APP: variants seen among roughly 807,000 people sequenced by gnomAD.
APP encodes the protein amyloid-beta precursor protein.
In APP, 31 loss-of-function variants were observed where a neutral mutation model predicts 101.4. The ratio of observed to expected loss-of-function variants is 0.31; its 90% confidence interval spans 0.23 to 0.41. APP has a LOEUF of 0.41. Ranked by LOEUF, APP falls within the 10% of genes least tolerant of loss-of-function variation. The pLI, the probability that APP is intolerant of heterozygous loss-of-function variation, is 1.00. For synonymous variants in APP, 366 were observed against 364.4 expected (o/e 1.00, Z -0.05); for missense variants, 839 against 1,003.7 (o/e 0.84, Z 2.22).
intron 1 of APP, among the ~76,000 whole-genome samples, chr21:26,144,994 GTTC>G (rs941473720): frequency 2.8e-4 from 43 of 152,274 alleles, no homozygotes; most frequent in African/African-American, 9.9e-4. Flanking sequence ...ACAATAAAAC[GTTC>G]TTTTCAACTT....
rs541268274 is a variant in APP at position 26,028,249 on chromosome 21, T to C, written c.663-6207A>G. On this transcript the variant is annotated intron_variant, in intron 5 of 17. Coordinates refer to ENST00000346798, the MANE Select transcript of APP (RefSeq NM_000484.4). ...ATTAAGAATGAGCTATAAATCACAA[T>C]CTTGATCTGAAATTAGGCTATATCA... 2.2e-4 allele frequency among the ~76,000 whole-genome samples: 33 copies of C among 151,474 alleles called. 1 individual carries two copies. In the South Asian group the frequency reaches 3.5e-3, roughly 16 times the overall value.
At chr21:26,055,102 C>A (rs1357042645) in intron 3 of APP, among the ~76,000 whole-genome samples, 1 of 152,058 alleles carries the variant, frequency 6.6e-6, no homozygotes, top group East Asian at 1.9e-4. Context: ...ATGCCCATAG[C>A]AGTATAGTGT....
At chr21:25,999,250 C>T (rs1317835795) in intron 7 of APP, among the ~76,000 whole-genome samples, 1 of 152,094 alleles carries the variant, frequency 6.6e-6, no homozygotes, top group Non-Finnish European at 1.5e-5. Flanking sequence ...CAAGATCACG[C>T]CATTGCACTC....
At chr21:26,053,419 G>A (rs2045917250) in intron 3 of APP, 71 bp from the exon 4 acceptor site, 1 of 1,135,528 alleles carries the variant, frequency 8.8e-7, no homozygotes, top group Non-Finnish European at 1.3e-6. Context: ...AAGACATCAA[G>A]GAAAGATAGA....
chr21:25,963,314 T>C (rs781118520), intron 11 of APP, among the ~76,000 whole-genome samples: 4 of 152,168 alleles, frequency 2.6e-5, no homozygotes, highest in African/African-American at 4.8e-5. Context: ...TGTATTAAAA[T>C]TATTAAGTCC....
intron 3 of APP, among the ~76,000 whole-genome samples, chr21:26,079,149 T>G (rs568052463): frequency 2.7e-4 from 41 of 151,954 alleles, no homozygotes; most frequent in African/African-American, 9.6e-4. Flanking sequence ...AGGGGAAAAC[T>G]GTTTCCTTTC....
intron 1 of APP, among the ~76,000 whole-genome samples, chr21:26,162,271 G>C (rs2063507815): frequency 6.6e-6 from 1 of 152,250 alleles, no homozygotes; most frequent in Non-Finnish European, 1.5e-5. Flanking sequence ...CACGGCTACA[G>C]ATCACACCAC....
intron 1 of APP, among the ~76,000 whole-genome samples, chr21:26,112,516 T>C (rs569008731): frequency 1.3e-5 from 2 of 152,260 alleles, no homozygotes; most frequent in Non-Finnish European, 2.9e-5. Flanking sequence ...CGCATTCTTA[T>C]AATAAACTCC....
intron 1 of APP, among the ~76,000 whole-genome samples, chr21:26,113,171 T>C (rs1287083925): frequency 6.6e-6 from 1 of 152,140 alleles, no homozygotes; most frequent in Non-Finnish European, 1.5e-5. Context: ...CCTTGTCAAA[T>C]CCAGCTGCTG....
chr21:25,928,170 G>A (rs937907676), intron 13 of APP, among the ~76,000 whole-genome samples: 9 of 147,828 alleles, frequency 6.1e-5, no homozygotes, highest in Non-Finnish European at 1.3e-4. Flanking sequence ...AGGTGAAATC[G>A]CGTCTCTACT....
At chr21:26,123,990 T>TA (rs2062630374) in intron 1 of APP, among the ~76,000 whole-genome samples, 1 of 152,082 alleles carries the variant, frequency 6.6e-6, no homozygotes, top group African/African-American at 2.4e-5. Context: ...CCTAATCTTT[T>TA]TTTTTTTTTA....
At chr21:26,027,826 G>GGCAGAGGGTT (rs1568877815) in intron 5 of APP, among the ~76,000 whole-genome samples, 3 of 152,028 alleles carry the variant, frequency 2.0e-5, no homozygotes, top group Non-Finnish European at 4.4e-5. Flanking sequence ...GCAGCTAAAG[G>GGCAGAGGGTT]CATAAGCCCA....
chr21:25,981,711 G>GTTTTT (rs11330953), intron 9 of APP, among the ~76,000 whole-genome samples: 1 of 127,356 alleles, frequency 7.9e-6, no homozygotes, highest in Admixed American at 7.9e-5. Flanking sequence ...ACCAAAACAG[G>GTTTTT]TTTTTTTTTT....
At chr21:26,098,875 A>G (rs1238433732) in intron 2 of APP, among the ~76,000 whole-genome samples, 1 of 152,218 alleles carries the variant, frequency 6.6e-6, no homozygotes, top group African/African-American at 2.4e-5. Flanking sequence ...ATCTTAATTT[A>G]CAGGTCACTG....
chr21:26,064,876 CAG>C (rs1398316297), intron 3 of APP, among the ~76,000 whole-genome samples: 1 of 152,134 alleles, frequency 6.6e-6, no homozygotes, highest in Non-Finnish European at 1.5e-5. Flanking sequence ...TTGTTTGAAA[CAG>C]AGTCTCATTC....
chr21:25,927,780 A>T lies in APP; in HGVS notation c.1688-15818T>A, dbSNP rs1055161483. ...CTGAAATATCACTTGTCTGGCTTAG[A>T]CTGAGGGTACAGAAGAAGTCCCTTT... On this transcript the variant is annotated intron_variant, in intron 13 of 17. Transcript: ENST00000346798. Among the ~76,000 whole-genome samples, 10 of 152,162 alleles carry T rather than the reference A, an allele frequency of 6.6e-5. 1 individual carries two copies. Among genetic ancestry groups the T allele is most frequent in the African/African-American group, 1.9e-4 (8 of 41,452 alleles).
chr21:26,105,764 C>A (rs1390253089), intron 2 of APP, among the ~76,000 whole-genome samples: 1 of 152,160 alleles, frequency 6.6e-6, no homozygotes. Context: ...TCCCCTGCCA[C>A]CTGCTCAATA....
intron 5 of APP, among the ~76,000 whole-genome samples, chr21:26,048,369 A>G (rs771986811): frequency 6.6e-6 from 1 of 152,118 alleles, no homozygotes; most frequent in Non-Finnish European, 1.5e-5. Context: ...CATTTGTATT[A>G]GACAGTTCTT....
At chr21:25,927,246 A>G (rs935835206) in intron 13 of APP, among the ~76,000 whole-genome samples, 13 of 152,122 alleles carry the variant, frequency 8.5e-5, no homozygotes, top group African/African-American at 3.1e-4. Flanking sequence ...CTTTGCTTGG[A>G]CAGCCCATTC....
Sources: allele counts gnomAD v4.1 joint callset (sites outside exome capture counted in the v4.1 genomes callset), GRCh38; gene constraint gnomAD v4.1.1; transcripts MANE v1.5; gene names NCBI Gene and HGNC (gene_info 2026-07-23, HGNC 2026-07-21).